NFIL3: variants seen among roughly 807,000 people sequenced by gnomAD.
NFIL3 encodes nuclear factor, interleukin 3 regulated.
In NFIL3, 5 loss-of-function variants were observed where a neutral mutation model predicts 10.0. The observed-to-expected ratio is 0.50, with a 90% CI of 0.26 to 1.06. NFIL3 has a LOEUF of 1.06. Among genes scored for constraint, NFIL3 ranks in the 50% least tolerant of loss-of-function variants. NFIL3 has a pLI of 0.13. For synonymous variants in NFIL3, 202 were observed against 206.5 expected, an observed-to-expected ratio of 0.98 and a Z score of 0.19; for missense variants, 436 against 547.6, an observed-to-expected ratio of 0.80 and a Z score of 2.03.
At chr9:91,457,383 C>T in the NFIL3 span, among the ~76,000 whole-genome samples, 5 of 151,984 alleles carry the variant, frequency 3.3e-5, no homozygotes, top group South Asian at 8.3e-4. Flanking sequence ...ACACTGTTAT[C>T]GCTGTTATTT....
intron 1 of NFIL3, among the ~76,000 whole-genome samples, chr9:91,416,158 CTTT>C (rs76390990): frequency 4.3e-5 from 6 of 139,504 alleles, no homozygotes; most frequent in Admixed American, 7.2e-5. Context: ...TGATCTTCTT[CTTT>C]TTTTTTTTTT....
the NFIL3 span, among the ~76,000 whole-genome samples, chr9:91,467,344 T>G: frequency 3.3e-5 from 5 of 152,020 alleles, no homozygotes; most frequent in Admixed American, 3.3e-4. Context: ...TTCTCTGGAA[T>G]ACTCTAATAG....
At position 91,409,201 on chromosome 9, in the gene NFIL3, G is replaced by A. The variant is rs1254328298; in HGVS notation, c.*145C>T. The A allele has an allele frequency of 4.1e-6, 3 of 724,086 alleles. No individual in the cohort carries two copies. In the East Asian group the frequency reaches 8.2e-5, roughly 20 times the overall value. 44.9% of individuals were successfully genotyped at this position (724,086 alleles called of 1,614,324 possible). On this transcript the variant is annotated 3_prime_UTR_variant, in exon 2 of 2. Coordinates refer to ENST00000297689, the MANE Select transcript of NFIL3 (RefSeq NM_005384.3). Reference sequence around the variant, plus strand: ...CAATCTAATCTTCATCATAATCTGTGCACAAAAAGACACCAAACAGACAAC... The same window carrying A: ...CAATCTAATCTTCATCATAATCTGTACACAAAAAGACACCAAACAGACAAC...
chr9:91,412,098 C>CAAAAAA (rs56891881), intron 1 of NFIL3, among the ~76,000 whole-genome samples: 2 of 76,834 alleles, frequency 2.6e-5, no homozygotes, highest in Non-Finnish European at 2.6e-5. Flanking sequence ...AAGACTCTGT[C>CAAAAAA]AAAAAAAAAA....
the NFIL3 span, among the ~76,000 whole-genome samples, chr9:91,482,499 C>CA: frequency 6.6e-6 from 1 of 151,472 alleles, no homozygotes; most frequent in Non-Finnish European, 1.5e-5. Flanking sequence ...ACTGTCTAAC[C>CA]AAAAAAAATT....
At chr9:91,429,773 G>T in the NFIL3 span, among the ~76,000 whole-genome samples, 1 of 151,984 alleles carries the variant, frequency 6.6e-6, no homozygotes, top group African/African-American at 2.4e-5. Flanking sequence ...TTGTGAGTCC[G>T]CATACTGGCA....
At chr9:91,463,447 A>G in the NFIL3 span, among the ~76,000 whole-genome samples, 1 of 151,568 alleles carries the variant, frequency 6.6e-6, no homozygotes. Context: ...TAAATATTTT[A>G]TCTTGAGACT....
chr9:91,423,682 G>A lies in NFIL3; in HGVS notation c.-215C>T. On this transcript the variant is annotated 5_prime_UTR_variant, in exon 1 of 2. Coordinates refer to ENST00000297689, the MANE Select transcript of NFIL3 (RefSeq NM_005384.3). ...GCCGGCGAGGAGAAAGAAAGGGGCG[G>A]CCGGGAGTCGGGCCGCCGGCGCTCG... is the stretch of plus-strand genomic sequence containing the variant. The A allele has an allele frequency of 6.8e-6, 1 of 146,188 alleles. No homozygotes were observed. The highest frequency in any genetic ancestry group is 1.5e-5 in the Non-Finnish European group (1 of 65,590). The allele number at this position is 146,188 out of a possible 1,614,324, so 9.1% of individuals were successfully genotyped here. A position where few individuals can be genotyped will look rare whatever the true frequency, so the allele number is the denominator to read the frequency against.
chr9:91,444,436 T>G, the NFIL3 span, among the ~76,000 whole-genome samples: 2 of 152,218 alleles, frequency 1.3e-5, no homozygotes, highest in African/African-American at 4.8e-5. Context: ...TAAATTTTCA[T>G]TTTCTTGGAG....
At chr9:91,421,413 C>T (rs747677498) in intron 1 of NFIL3, among the ~76,000 whole-genome samples, 2 of 151,958 alleles carry the variant, frequency 1.3e-5, no homozygotes, top group Non-Finnish European at 2.9e-5. Flanking sequence ...GCCTCGGCGC[C>T]GCGAGGACCC....
chr9:91,447,853 T>A, the NFIL3 span, among the ~76,000 whole-genome samples: 2 of 152,210 alleles, frequency 1.3e-5, no homozygotes, highest in Non-Finnish European at 2.9e-5. Context: ...GCCCAATTTG[T>A]CTATTTTTCC....
chr9:91,425,359 A>G (rs1450762035), upstream of NFIL3, among the ~76,000 whole-genome samples: 1 of 152,180 alleles, frequency 6.6e-6, no homozygotes, highest in African/African-American at 2.4e-5. Context: ...AACGCAAGTC[A>G]TATTTAAAAA....
the NFIL3 span, among the ~76,000 whole-genome samples, chr9:91,446,184 T>C: frequency 6.6e-6 from 1 of 152,132 alleles, no homozygotes; most frequent in Non-Finnish European, 1.5e-5. Context: ...TGATGGGGGT[T>C]TCAGGAGTCC....
intron 1 of NFIL3, among the ~76,000 whole-genome samples, chr9:91,422,939 T>A (rs376952516): frequency 6.6e-6 from 1 of 152,194 alleles, no homozygotes; most frequent in African/African-American, 2.4e-5. Context: ...ATTGCACACA[T>A]ACGCGCATAT....
At chr9:91,481,957 A>G in the NFIL3 span, among the ~76,000 whole-genome samples, 3 of 152,244 alleles carry the variant, frequency 2.0e-5, no homozygotes, top group Non-Finnish European at 4.4e-5. Context: ...AAGAAATAGT[A>G]AGATAATTTC....
the NFIL3 span, among the ~76,000 whole-genome samples, chr9:91,478,178 G>T: frequency 6.6e-6 from 1 of 152,076 alleles, no homozygotes; most frequent in Non-Finnish European, 1.5e-5. Context: ...TGTATTTCCT[G>T]AATCTGAATG....
At chr9:91,456,518 T>C in the NFIL3 span, among the ~76,000 whole-genome samples, 1 of 152,278 alleles carries the variant, frequency 6.6e-6, no homozygotes, top group East Asian at 1.9e-4. Context: ...TTATCTCATC[T>C]TTCCTGAAGT....
At chr9:91,458,714 C>T in the NFIL3 span, among the ~76,000 whole-genome samples, 1 of 151,964 alleles carries the variant, frequency 6.6e-6, no homozygotes, top group East Asian at 1.9e-4. Context: ...TTAACTTTTT[C>T]TTAATTTAAT....
chr9:91,458,007 T>G, the NFIL3 span, among the ~76,000 whole-genome samples: 1 of 152,234 alleles, frequency 6.6e-6, no homozygotes, highest in East Asian at 1.9e-4. Context: ...ATTCATGGGA[T>G]AAACCCCACT....
Sources: gnomAD v4.1 joint callset for allele counts (sites outside exome capture counted in the v4.1 genomes callset) on GRCh38, gnomAD v4.1.1 for gene constraint, MANE v1.5 for transcripts, NCBI Gene and HGNC (gene_info 2026-07-23, HGNC 2026-07-21) for gene names.